HSDL1: variants seen among roughly 807,000 people sequenced by gnomAD.
HSDL1 encodes the protein hydroxysteroid dehydrogenase like 1, also known as inactive hydroxysteroid dehydrogenase-like protein 1.
A neutral mutation model predicts 31.5 loss-of-function variants in HSDL1; 29 were observed. That is an observed-to-expected ratio of 0.92 (90% CI 0.69 to 1.26). HSDL1 has a LOEUF of 1.26. HSDL1 is among the 50% of genes most tolerant of loss of function. The pLI is 0.00. For synonymous variants in HSDL1, 222 were observed against 155.2 expected, an observed-to-expected ratio of 1.43 and a Z score of -3.20; for missense variants, 503 against 416.6, an observed-to-expected ratio of 1.21 and a Z score of -1.81.
intron 5 of HSDL1, among the ~76,000 whole-genome samples, chr16:84,126,568 A>C (rs957014892): frequency 3.3e-5 from 5 of 152,218 alleles, no homozygotes; most frequent in Non-Finnish European, 7.3e-5. Context: ...TTTGTTCAGA[A>C]CCGAATGAAA....
At chr16:84,141,983 A>G (rs920789233) in intron 1 of HSDL1, among the ~76,000 whole-genome samples, 1 of 152,220 alleles carries the variant, frequency 6.6e-6, no homozygotes, top group Non-Finnish European at 1.5e-5. Context: ...CCTGATGTGC[A>G]GTGGCATGAT....
rs146175711 is a variant in HSDL1, at chr16:84,129,569, T to C, written c.873A>G (p.Gly291=). 4 of 1,612,874 alleles carry C rather than the reference T, an allele frequency of 2.5e-6. No individual in the cohort carries two copies. The South Asian group carries it at 3.3e-5, about 13-fold the overall frequency. Residue 291 remains glycine (G), a synonymous_variant, in exon 5 of 6, where the codon GGA becomes GGG. Transcript: ENST00000219439. ...CTACCTGAATAGAATGGGACCAATA[T>C]CCTGTGGTCCTTTTGGAAATCCCAA... is the stretch of plus-strand genomic sequence containing the variant. The part of the protein sequence containing the change: ...STLGISKRTT[G]YWSHSIQFLF...
chr16:84,125,904 C>G (rs547440591), intron 5 of HSDL1, among the ~76,000 whole-genome samples: 2 of 152,096 alleles, frequency 1.3e-5, no homozygotes, highest in African/African-American at 4.8e-5. Flanking sequence ...GAGATCGAGA[C>G]CATCCTGGCT....
Position 84,123,009 on chromosome 16 carries a change from T to C in HSDL1, c.*1621A>G, listed in dbSNP as rs1452629190. On this transcript the variant is annotated 3_prime_UTR_variant, in exon 6 of 6. Transcript: ENST00000219439. The stretch of plus-strand genomic sequence containing the variant: ...TTCACATGAAGTTGCTGCTGCTTAT[T>C]ATACATCAAAGTTCACGTCAATGTG... The C allele has an allele frequency of 6.6e-6, 1 of 152,252 alleles. No homozygotes were observed. The highest frequency in any genetic ancestry group is 2.4e-5 in the African/African-American group (1 of 41,468). The allele number at this position is 152,252 out of a possible 1,614,324, so 9.4% of individuals were successfully genotyped here.
At chr16:84,125,405 A>C (rs2086596274) in intron 5 of HSDL1, among the ~76,000 whole-genome samples, 1 of 151,922 alleles carries the variant, frequency 6.6e-6, no homozygotes, top group African/African-American at 2.4e-5. Flanking sequence ...AATACCCACC[A>C]ATCACATTAC....
At chr16:84,137,878 G>A (rs1028377037) in intron 1 of HSDL1, among the ~76,000 whole-genome samples, 5 of 152,200 alleles carry the variant, frequency 3.3e-5, no homozygotes, top group Non-Finnish European at 5.9e-5. Context: ...AACAAGCCTC[G>A]TCAAAGTTAC....
intron 2 of HSDL1, among the ~76,000 whole-genome samples, chr16:84,132,624 C>T (rs2086679247): frequency 6.6e-6 from 1 of 152,140 alleles, no homozygotes; most frequent in Admixed American, 6.6e-5. Context: ...AAATGACCGT[C>T]CCTAGGTGAA....
intron 3 of HSDL1, chr16:84,130,840 G>A: frequency 2.3e-6 from 1 of 436,432 alleles, no homozygotes; most frequent in South Asian, 4.6e-5. Context: ...GAACAAAAAG[G>A]AAAAGCACAT....
At chr16:84,131,018 A>G in intron 3 of HSDL1, 84 bp downstream of exon 3, 2 of 1,111,984 alleles carry the variant, frequency 1.8e-6, no homozygotes, top group Non-Finnish European at 2.6e-6. Context: ...TGTTCCCATA[A>G]AAACACCACA....
intron 5 of HSDL1, among the ~76,000 whole-genome samples, chr16:84,126,170 C>A (rs924184556): frequency 6.6e-6 from 1 of 150,810 alleles, no homozygotes; most frequent in Non-Finnish European, 1.5e-5. Context: ...CAGACGCATA[C>A]GTGGTTAGTA....
intron 2 of HSDL1, among the ~76,000 whole-genome samples, 198 bp from the exon 3 acceptor site, chr16:84,131,525 C>CAA (rs201302766): frequency 0.024 from 3,648 of 149,216 alleles, 64 homozygotes; most frequent in East Asian, 0.033. Flanking sequence ...ATCTATCTAT[C>CAA]TATCTATCAG....
At chr16:84,128,085 T>TC (rs941941906) in intron 5 of HSDL1, among the ~76,000 whole-genome samples, 3 of 151,198 alleles carry the variant, frequency 2.0e-5, no homozygotes, top group African/African-American at 7.3e-5. Context: ...GATCAGGAGT[T>TC]CGAGACCAGC....
intron 5 of HSDL1, among the ~76,000 whole-genome samples, chr16:84,127,183 C>A (rs1049476341): frequency 4.2e-5 from 6 of 144,516 alleles, no homozygotes; most frequent in Admixed American, 2.1e-4. Flanking sequence ...GACCTGGAAA[C>A]AACTACTTAA....
chr16:84,142,357 T>C (rs12935048), intron 1 of HSDL1, among the ~76,000 whole-genome samples: 27,760 of 151,686 alleles, frequency 0.18, 2,652 homozygotes, highest in African/African-American at 0.23. Context: ...AAATTTTACA[T>C]TTTTGCTTTT....
intron 5 of HSDL1, 163 bp from the exon 6 acceptor site, chr16:84,124,891 C>T (rs1251912473): frequency 1.1e-5 from 5 of 470,750 alleles, no homozygotes; most frequent in Non-Finnish European, 1.9e-5. Context: ...CAATCAATCA[C>T]AACAAATACC....
intron 1 of HSDL1, among the ~76,000 whole-genome samples, chr16:84,142,430 C>CTTTTTTTTTTTTT (rs34954052): frequency 1.2e-5 from 1 of 81,410 alleles, no homozygotes; most frequent in African/African-American, 5.5e-5. Context: ...TCTCACACAT[C>CTTTTTTTTTTTTT]TTTTTTTTTT....
intron 5 of HSDL1, among the ~76,000 whole-genome samples, chr16:84,126,309 G>C (rs2151184345): frequency 6.6e-6 from 1 of 152,198 alleles, no homozygotes; most frequent in African/African-American, 2.4e-5. Flanking sequence ...CCAGGGAAGG[G>C]AGTCCTGCTG....
chr16:84,137,227 T>C (rs2086721063), intron 1 of HSDL1, among the ~76,000 whole-genome samples: 1 of 152,182 alleles, frequency 6.6e-6, no homozygotes, highest in Admixed American at 6.5e-5. Context: ...GCAGAATTTC[T>C]GGGCAGAGAG....
At chr16:84,128,276 C>T (rs909568569) in intron 5 of HSDL1, among the ~76,000 whole-genome samples, 8 of 150,644 alleles carry the variant, frequency 5.3e-5, no homozygotes, top group African/African-American at 1.7e-4. Context: ...GCAACAAGAG[C>T]GGAATTCCAT....
Sources: gnomAD v4.1 joint callset for allele counts (sites outside exome capture counted in the v4.1 genomes callset) on GRCh38, gnomAD v4.1.1 for gene constraint, MANE v1.5 for transcripts, NCBI Gene and HGNC (gene_info 2026-07-23, HGNC 2026-07-21) for gene names.